GRID2: variants seen among roughly 807,000 people sequenced by gnomAD.
GRID2 encodes the protein glutamate receptor ionotropic, delta-2.
In GRID2, 33 loss-of-function variants were observed where a neutral mutation model predicts 114.8. The observed-to-expected ratio is 0.29, with a 90% CI of 0.22 to 0.38. The LOEUF (loss-of-function observed/expected upper bound fraction) is 0.38. Ranked by LOEUF, GRID2 falls within the 10% of genes least tolerant of loss-of-function variation. The pLI is 1.00. For missense variants in GRID2, 1,184 were observed against 1,257.7 expected, an observed-to-expected ratio of 0.94 and a Z score of 0.89; for synonymous variants, 505 against 449.9, an observed-to-expected ratio of 1.12 and a Z score of -1.55.
intron 2 of GRID2, among the ~76,000 whole-genome samples, chr4:92,606,330 C>T (rs925149815): frequency 3.3e-5 from 5 of 151,302 alleles, no homozygotes; most frequent in Middle Eastern, 3.4e-3. Flanking sequence ...TTCTTATTAG[C>T]GTTTTACAGA....
At chr4:93,756,567 A>G (rs1002384337) in intron 14 of GRID2, among the ~76,000 whole-genome samples, 3 of 152,114 alleles carry the variant, frequency 2.0e-5, no homozygotes, top group Non-Finnish European at 4.4e-5. Flanking sequence ...GTAAAGAGAG[A>G]GCAAACATGA....
rs142968725 is a variant in GRID2 at position 93,189,538 on chromosome 4, A to T, written c.736-17866A>T. On this transcript the variant is annotated intron_variant, in intron 4 of 15. Coordinates refer to ENST00000282020, the MANE Select transcript of GRID2 (RefSeq NM_001510.4). ...ATTTTGGAGGGATACAAACATTCAG[A>T]TCATAGCAATAGCCATCTAAACATT... Among the ~76,000 whole-genome samples the T allele has an allele frequency of 2.4e-3, 358 of 152,320 alleles. 1 individual carries two copies. The highest frequency in any genetic ancestry group is 8.3e-3 in the African/African-American group (344 of 41,586).
At chr4:93,365,064 G>T (rs534906942) in intron 8 of GRID2, among the ~76,000 whole-genome samples, 1 of 151,640 alleles carries the variant, frequency 6.6e-6, no homozygotes, top group Non-Finnish European at 1.5e-5. Flanking sequence ...TCTCTTTGTT[G>T]GTTCTCTACT....
At chr4:93,249,365 G>A (rs1024086262) in intron 8 of GRID2, among the ~76,000 whole-genome samples, 1 of 150,948 alleles carries the variant, frequency 6.6e-6, no homozygotes, top group Non-Finnish European at 1.5e-5. Context: ...GCTCTTTTTT[G>A]GTTCCATATG....
At chr4:93,681,226 G>A (rs1217259969) in intron 14 of GRID2, among the ~76,000 whole-genome samples, 5 of 151,536 alleles carry the variant, frequency 3.3e-5, no homozygotes, top group East Asian at 1.9e-4. Flanking sequence ...TACAAGGGAC[G>A]TGAAGGACCT....
intron 8 of GRID2, among the ~76,000 whole-genome samples, chr4:93,341,836 A>G (rs1158778983): frequency 6.6e-6 from 1 of 152,154 alleles, no homozygotes; most frequent in Non-Finnish European, 1.5e-5. Context: ...GTGAAATATT[A>G]TGTTCTTATC....
intron 9 of GRID2, among the ~76,000 whole-genome samples, chr4:93,414,462 G>C (rs1385410): frequency 0.7 from 105,878 of 151,774 alleles, 37,573 homozygotes; most frequent in African/African-American, 0.84. Context: ...TTCCTAATAT[G>C]TGGCTCTAGC....
intron 4 of GRID2, among the ~76,000 whole-genome samples, chr4:93,173,941 A>T (rs72889639): frequency 0.054 from 8,216 of 152,134 alleles, 621 homozygotes; most frequent in African/African-American, 0.17. Context: ...TTCTTTTAGG[A>T]TTTTTAAATG....
At chr4:93,016,046 G>A (rs1390813665) in intron 2 of GRID2, among the ~76,000 whole-genome samples, 1 of 135,486 alleles carries the variant, frequency 7.4e-6, no homozygotes, top group Non-Finnish European at 1.6e-5. Context: ...TTTGGGGAGG[G>A]GGAAGTGTGT....
At chr4:93,340,079 T>C (rs1271500501) in intron 8 of GRID2, among the ~76,000 whole-genome samples, 2 of 152,160 alleles carry the variant, frequency 1.3e-5, no homozygotes, top group African/African-American at 4.8e-5. Flanking sequence ...TATTTATCTT[T>C]TGTTGTTTGC....
intron 11 of GRID2, among the ~76,000 whole-genome samples, chr4:93,477,950 T>C (rs1251534669): frequency 6.6e-6 from 1 of 152,138 alleles, no homozygotes; most frequent in East Asian, 1.9e-4. Flanking sequence ...ACCCATATGT[T>C]CTTAACATTG....
intron 2 of GRID2, among the ~76,000 whole-genome samples, chr4:92,868,126 G>A (rs1439428028): frequency 6.7e-6 from 1 of 149,044 alleles, no homozygotes; most frequent in East Asian, 2.0e-4. Context: ...TTAATGTGCA[G>A]TTGACAAGTT....
chr4:93,563,512 A>G (rs1420047400), intron 13 of GRID2, among the ~76,000 whole-genome samples: 3 of 152,022 alleles, frequency 2.0e-5, no homozygotes, highest in African/African-American at 7.2e-5. Context: ...TACCAAAAAT[A>G]AAATTGGCCC....
At chr4:93,431,449 T>C (rs1357033365) in intron 10 of GRID2, among the ~76,000 whole-genome samples, 3 of 152,244 alleles carry the variant, frequency 2.0e-5, no homozygotes, top group Non-Finnish European at 4.4e-5. Flanking sequence ...TAAGAAAGTT[T>C]CAAAAAATAA....
intron 8 of GRID2, among the ~76,000 whole-genome samples, chr4:93,375,288 C>A (rs1279982785): frequency 1.3e-5 from 2 of 150,030 alleles, no homozygotes; most frequent in Non-Finnish European, 3.0e-5. Flanking sequence ...TCTTGTCTCG[C>A]TGCAAGCTCT....
rs1004861523 is a variant in GRID2 at position 93,582,540 on chromosome 4, C to T, written c.2194-43729C>T. Among the ~76,000 whole-genome samples, 3 of 152,112 alleles carry T rather than the reference C, an allele frequency of 2.0e-5. No homozygotes were observed. The East Asian group carries it at 5.8e-4, about 29-fold the overall frequency. On this transcript the variant is annotated intron_variant, in intron 13 of 15. Coordinates refer to ENST00000282020, the MANE Select transcript of GRID2 (RefSeq NM_001510.4). The stretch of plus-strand genomic sequence containing the variant: ...TTATTTTAACTTGTTTCTCACTAGA[C>T]GTTGCTTTAGTTTTACAGTTTCTTC...
chr4:93,216,942 A>C (rs1197232254), intron 6 of GRID2, 31 bp downstream of exon 6: 1 of 1,537,536 alleles, frequency 6.5e-7, no homozygotes, highest in African/African-American at 1.4e-5. Context: ...TATTTCTTCC[A>C]GGGTGCTTTG....
At chr4:92,748,581 G>A (rs1737270023) in intron 2 of GRID2, among the ~76,000 whole-genome samples, 1 of 151,584 alleles carries the variant, frequency 6.6e-6, no homozygotes, top group Non-Finnish European at 1.5e-5. Context: ...CACAAGTCTT[G>A]AGGTTCACCT....
chr4:92,575,128 G>A (rs1172134011), intron 1 of GRID2, among the ~76,000 whole-genome samples: 1 of 152,152 alleles, frequency 6.6e-6, no homozygotes, highest in Non-Finnish European at 1.5e-5. Flanking sequence ...TAATTGCAAT[G>A]GGAAATTCTT....
Sources: gnomAD v4.1 joint callset for allele counts (sites outside exome capture counted in the v4.1 genomes callset) on GRCh38, gnomAD v4.1.1 for gene constraint, MANE v1.5 for transcripts, NCBI Gene and HGNC (gene_info 2026-07-23, HGNC 2026-07-21) for gene names.